SETBP1: variants seen among roughly 807,000 people sequenced by gnomAD.
The protein encoded by SETBP1 is SET binding protein 1.
Under a neutral mutation model 101.0 loss-of-function variants are expected in SETBP1, and 9 were observed. The ratio of observed to expected loss-of-function variants is 0.09; its 90% confidence interval spans 0.05 to 0.16. SETBP1 has a LOEUF of 0.16. Among genes scored for constraint, SETBP1 ranks in the 10% least tolerant of loss-of-function variants. The pLI is 1.00. For missense variants in SETBP1, 1,858 were observed against 2,033.8 expected, an observed-to-expected ratio of 0.91 and a Z score of 1.66; for synonymous variants, 818 against 788.5, an observed-to-expected ratio of 1.04 and a Z score of -0.63.
At chr18:44,756,532 T>G (rs887694620) in intron 2 of SETBP1, among the ~76,000 whole-genome samples, 1 of 152,144 alleles carries the variant, frequency 6.6e-6, no homozygotes, top group African/African-American at 2.4e-5. Context: ...CAAGCCAGGC[T>G]CCAGGGCACA....
intron 2 of SETBP1, among the ~76,000 whole-genome samples, chr18:44,851,865 C>T (rs2072874336): frequency 6.6e-6 from 1 of 152,180 alleles, no homozygotes; most frequent in Non-Finnish European, 1.5e-5. Flanking sequence ...GGTTGCTAAG[C>T]CTCACACCGG....
intron 4 of SETBP1, among the ~76,000 whole-genome samples, chr18:45,038,181 G>T (rs1402075563): frequency 6.6e-6 from 1 of 152,112 alleles, no homozygotes; most frequent in Non-Finnish European, 1.5e-5. Context: ...GTAAAGATGG[G>T]AATGTACATC....
Position 44,880,535 on chromosome 18 carries a change from G to A in SETBP1, c.540+11252G>A, listed in dbSNP as rs151227126. ...TCGTTATAAAGAAATATCCGAGACT[G>A]AGTAATTTATTTAAAGAAAAGGTTT... On this transcript the variant is annotated intron_variant, in intron 3 of 5. Transcript: ENST00000649279. 2.9e-3 allele frequency among the ~76,000 whole-genome samples: 445 copies of A among 152,306 alleles called. 1 individual carries two copies. Among genetic ancestry groups the A allele is most frequent in the African/African-American group, 0.01 (428 of 41,560 alleles).
At chr18:44,852,834 A>G (rs1391475163) in intron 2 of SETBP1, among the ~76,000 whole-genome samples, 1 of 152,132 alleles carries the variant, frequency 6.6e-6, no homozygotes, top group Admixed American at 6.5e-5. Flanking sequence ...GAGTGTATCT[A>G]ATTTCTAATG....
At chr18:44,719,308 C>T (rs1349359441) in intron 2 of SETBP1, among the ~76,000 whole-genome samples, 1 of 152,118 alleles carries the variant, frequency 6.6e-6, no homozygotes, top group African/African-American at 2.4e-5. Context: ...CTGACCACTT[C>T]ATGGAGGAAG....
chr18:44,753,598 G>A (rs1232574876), intron 2 of SETBP1, among the ~76,000 whole-genome samples: 1 of 152,178 alleles, frequency 6.6e-6, no homozygotes, highest in Non-Finnish European at 1.5e-5. Flanking sequence ...TGGGCATATG[G>A]GCATTGGCCA....
intron 4 of SETBP1, among the ~76,000 whole-genome samples, chr18:44,962,931 T>A (rs1176933185): frequency 6.6e-6 from 1 of 152,168 alleles, no homozygotes; most frequent in Admixed American, 6.5e-5. Context: ...TGAGGCTACA[T>A]CACAGTCATC....
At chr18:44,976,330 T>A (rs949348272) in intron 4 of SETBP1, among the ~76,000 whole-genome samples, 1 of 152,182 alleles carries the variant, frequency 6.6e-6, no homozygotes, top group South Asian at 2.1e-4. Context: ...GCATTTGAGA[T>A]ATGAAGCTCT....
At chr18:44,917,720 A>G (rs1179009184) in intron 3 of SETBP1, among the ~76,000 whole-genome samples, 2 of 152,088 alleles carry the variant, frequency 1.3e-5, no homozygotes, top group African/African-American at 4.8e-5. Context: ...CAAGCCTGCC[A>G]GTGTCTGTTT....
chr18:45,039,051 G>A (rs900234452), intron 5 of SETBP1, among the ~76,000 whole-genome samples: 2 of 152,138 alleles, frequency 1.3e-5, no homozygotes, highest in African/African-American at 2.4e-5. Context: ...AGGAAGCTAA[G>A]AGTAAAGAAG....
chr18:44,875,527 C>CA (rs10645515), intron 3 of SETBP1, among the ~76,000 whole-genome samples: 985 of 61,358 alleles, frequency 0.016, 63 homozygotes, highest in African/African-American at 0.052. Flanking sequence ...GACTCCATCT[C>CA]AAAAAAAAAA....
At chr18:44,986,617 GA>G (rs1326565499) in intron 4 of SETBP1, 2 of 33,246 alleles carry the variant, frequency 6.0e-5, no homozygotes, top group African/African-American at 5.0e-4. Flanking sequence ...TTCTTATTTT[GA>G]TTTTTTTTTT....
intron 3 of SETBP1, among the ~76,000 whole-genome samples, chr18:44,877,575 A>G (rs2069436914): frequency 2.0e-5 from 3 of 152,222 alleles, no homozygotes; most frequent in Admixed American, 2.0e-4. Flanking sequence ...ATTCCTAAGG[A>G]AACCCATTTA....
chr18:44,910,006 C>T (rs1223011836), intron 3 of SETBP1, among the ~76,000 whole-genome samples: 1 of 152,216 alleles, frequency 6.6e-6, no homozygotes, highest in South Asian at 2.1e-4. Flanking sequence ...ACTATGGTTT[C>T]TTGTCTATGA....
chr18:45,028,303 T>G (rs1425877130), intron 4 of SETBP1, among the ~76,000 whole-genome samples: 1 of 151,956 alleles, frequency 6.6e-6, no homozygotes, highest in East Asian at 1.9e-4. Flanking sequence ...GAATGATGAT[T>G]TCCAATTTCA....
chr18:44,795,061 C>A (rs2144746913), intron 2 of SETBP1, among the ~76,000 whole-genome samples: 1 of 152,230 alleles, frequency 6.6e-6, no homozygotes, highest in South Asian at 2.1e-4. Context: ...TGATAAAGTG[C>A]TGCTTCTACC....
chr18:45,055,696 T>TA (rs2073797690), intron 5 of SETBP1, among the ~76,000 whole-genome samples: 1 of 152,220 alleles, frequency 6.6e-6, no homozygotes, highest in South Asian at 2.1e-4. Flanking sequence ...TGACTGTGCT[T>TA]AAATCAGTAC....
intron 5 of SETBP1, among the ~76,000 whole-genome samples, chr18:45,062,532 T>C (rs2073906026): frequency 6.6e-6 from 1 of 152,322 alleles, no homozygotes; most frequent in Non-Finnish European, 1.5e-5. Context: ...TACATATTCT[T>C]ATCCTTGATC....
intron 2 of SETBP1, among the ~76,000 whole-genome samples, chr18:44,775,732 A>G (rs1168662599): frequency 2.0e-5 from 3 of 150,774 alleles, no homozygotes; most frequent in Admixed American, 2.0e-4. Flanking sequence ...TCGTTGTCCA[A>G]CACTAAAAAA....
Sources: gnomAD v4.1 joint callset for allele counts (sites outside exome capture counted in the v4.1 genomes callset) on GRCh38, gnomAD v4.1.1 for gene constraint, MANE v1.5 for transcripts, NCBI Gene and HGNC (gene_info 2026-07-23, HGNC 2026-07-21) for gene names.